Variants in GALNT13 observed in about 807,000 individuals in gnomAD.
GALNT13 encodes UDP-GalNAc:polypeptide N-acetylgalactosaminyltransferase 13.
In GALNT13, 28 loss-of-function variants were observed where a neutral mutation model predicts 64.2. That is an observed-to-expected ratio of 0.44 (90% CI 0.32 to 0.60). GALNT13 has a LOEUF of 0.60. Ranked by LOEUF, GALNT13 falls within the 20% of genes least tolerant of loss-of-function variation. GALNT13 has a pLI of 0.05. For synonymous variants in GALNT13, 214 were observed against 224.6 expected (o/e 0.95, Z 0.42); for missense variants, 577 against 669.8 (o/e 0.86, Z 1.53).
the GALNT13 span, among the ~76,000 whole-genome samples, chr2:153,409,298 GTATA>G: frequency 7.3e-6 from 1 of 136,430 alleles, no homozygotes; most frequent in Admixed American, 7.2e-5. Flanking sequence ...GAATATGTAT[GTATA>G]TATATATATG....
chr2:153,525,902 T>C, the GALNT13 span, among the ~76,000 whole-genome samples: 4 of 152,152 alleles, frequency 2.6e-5, no homozygotes, highest in Non-Finnish European at 4.4e-5. Flanking sequence ...AGAAACATTG[T>C]TGGTAGGCTG....
the GALNT13 span, among the ~76,000 whole-genome samples, chr2:153,741,919 G>A: frequency 6.6e-6 from 1 of 151,916 alleles, no homozygotes; most frequent in Non-Finnish European, 1.5e-5. Context: ...AATGTAATCT[G>A]GAATAATTAA....
intron 10 of GALNT13, among the ~76,000 whole-genome samples, chr2:154,397,186 A>G (rs1214894284): frequency 2.6e-5 from 4 of 152,182 alleles, no homozygotes. Flanking sequence ...CTGTAATCCC[A>G]GCACTTCGGG....
the GALNT13 span, among the ~76,000 whole-genome samples, chr2:153,824,155 A>G: frequency 6.6e-6 from 1 of 151,736 alleles, no homozygotes; most frequent in African/African-American, 2.4e-5. Flanking sequence ...GGAAGGCTAT[A>G]CACTGTATAT....
At chr2:153,474,999 G>A in the GALNT13 span, among the ~76,000 whole-genome samples, 2 of 152,176 alleles carry the variant, frequency 1.3e-5, no homozygotes, top group African/African-American at 4.8e-5. Flanking sequence ...TCTGGGAAAG[G>A]ACCGACACTC....
At chr2:153,793,516 T>TG in the GALNT13 span, among the ~76,000 whole-genome samples, 1 of 152,130 alleles carries the variant, frequency 6.6e-6, no homozygotes, top group Non-Finnish European at 1.5e-5. Context: ...TCAAATGACA[T>TG]GGGCAAACTA....
chr2:153,285,151 T>C, the GALNT13 span, among the ~76,000 whole-genome samples: 23 of 151,978 alleles, frequency 1.5e-4, no homozygotes, highest in East Asian at 4.5e-3. Context: ...AGAGAATGAA[T>C]GCAAGCAGGG....
At chr2:153,576,984 T>A in the GALNT13 span, among the ~76,000 whole-genome samples, 3 of 152,162 alleles carry the variant, frequency 2.0e-5, no homozygotes, top group Non-Finnish European at 4.4e-5. Flanking sequence ...TATTTCATTG[T>A]TTTACTTTTC....
chr2:154,017,493 GTACT>G (rs1697088056), intron 3 of GALNT13, among the ~76,000 whole-genome samples: 1 of 152,054 alleles, frequency 6.6e-6, no homozygotes, highest in Admixed American at 6.6e-5. Flanking sequence ...CACCACTTTA[GTACT>G]TACTTAAAAT....
At chr2:154,026,618 C>T (rs565417116) in intron 3 of GALNT13, among the ~76,000 whole-genome samples, 1 of 152,288 alleles carries the variant, frequency 6.6e-6, no homozygotes, top group South Asian at 2.1e-4. Context: ...TTCTCACATG[C>T]AGGAGAGAGT....
the GALNT13 span, among the ~76,000 whole-genome samples, chr2:153,581,344 A>AT: frequency 1.3e-5 from 2 of 151,662 alleles, no homozygotes; most frequent in Non-Finnish European, 2.9e-5. Flanking sequence ...GTTATATTTT[A>AT]TTTTTTTCTC....
chr2:153,159,690 A>C, the GALNT13 span: 1 of 152,294 alleles, frequency 6.6e-6, no homozygotes, highest in Non-Finnish European at 1.5e-5. Context: ...GTTGGTGATC[A>C]AAAGTGCATT....
At chr2:153,371,263 C>G in the GALNT13 span, among the ~76,000 whole-genome samples, 3 of 152,156 alleles carry the variant, frequency 2.0e-5, no homozygotes, top group Non-Finnish European at 4.4e-5. Flanking sequence ...CGTTTTCCCT[C>G]TAAGTTCTAG....
the GALNT13 span, among the ~76,000 whole-genome samples, chr2:153,693,180 T>A: frequency 6.6e-6 from 1 of 152,198 alleles, no homozygotes; most frequent in Non-Finnish European, 1.5e-5. Flanking sequence ...ATCCGGCAGA[T>A]CTCTGGTACT....
At chr2:154,043,411 CTT>C (rs1202622671) in intron 3 of GALNT13, among the ~76,000 whole-genome samples, 4 of 73,262 alleles carry the variant, frequency 5.5e-5, no homozygotes, top group Admixed American at 2.9e-4. Context: ...ACTATAAGGA[CTT>C]TTATATATAT....
the GALNT13 span, among the ~76,000 whole-genome samples, chr2:153,402,337 CT>C: frequency 1.3e-5 from 2 of 151,444 alleles, no homozygotes; most frequent in Non-Finnish European, 3.0e-5. Context: ...GTAACCCGAC[CT>C]TTCTCTCTGG....
At chr2:154,084,454 C>A (rs1701427460) in intron 3 of GALNT13, among the ~76,000 whole-genome samples, 1 of 151,750 alleles carries the variant, frequency 6.6e-6, no homozygotes, top group Non-Finnish European at 1.5e-5. Flanking sequence ...GGTAAGCCTA[C>A]TAAATTTTAG....
chr2:154,144,655 T>A (rs1304745859), intron 4 of GALNT13, among the ~76,000 whole-genome samples: 1 of 152,086 alleles, frequency 6.6e-6, no homozygotes, highest in Non-Finnish European at 1.5e-5. Flanking sequence ...TCCAAAAAGT[T>A]TAATGTTATG....
chr2:154,339,841 G>T (rs1014670670), intron 9 of GALNT13, among the ~76,000 whole-genome samples: 13 of 151,984 alleles, frequency 8.6e-5, no homozygotes, highest in African/African-American at 2.4e-4. Flanking sequence ...CAAATTGATG[G>T]CTTATTTTGC....
Sources: gnomAD v4.1 joint callset for allele counts (sites outside exome capture counted in the v4.1 genomes callset) on GRCh38, gnomAD v4.1.1 for gene constraint, MANE v1.5 for transcripts, NCBI Gene and HGNC (gene_info 2026-07-23, HGNC 2026-07-21) for gene names.